The following CRBN variants were observed in gnomAD, a reference collection of about 807,000 sequenced individuals.
CRBN encodes the protein cereblon, also known as protein cereblon.
A neutral mutation model predicts 62.2 loss-of-function variants in CRBN; 53 were observed. The ratio of observed to expected loss-of-function variants is 0.85; its 90% CI spans 0.68 to 1.07. The LOEUF is 1.07. CRBN is among the 50% of genes least tolerant of loss of function. The pLI is 0.00. For synonymous variants in CRBN, 208 were observed against 176.1 expected (o/e 1.18, Z -1.43); for missense variants, 616 against 531.1 (o/e 1.16, Z -1.57).
upstream of CRBN, chr3:3,179,695 T>G: frequency 6.2e-7 from 1 of 1,612,932 alleles, no homozygotes; most frequent in Non-Finnish European, 8.5e-7. Flanking sequence ...CATGTCTGTT[T>G]ACCCGCAAAG....
At chr3:3,159,568 G>T (rs1437794733) in intron 5 of CRBN, among the ~76,000 whole-genome samples, 1 of 152,186 alleles carries the variant, frequency 6.6e-6, no homozygotes. Flanking sequence ...GCAATGCACT[G>T]GATCAGGCAT....
intron 5 of CRBN, among the ~76,000 whole-genome samples, chr3:3,165,534 G>C (rs1707294343): frequency 1.3e-5 from 2 of 152,164 alleles, no homozygotes; most frequent in South Asian, 4.1e-4. Context: ...AAAAGATTAT[G>C]ATTCACTGAA....
chr3:3,153,307 ATTTGCTAAATG>A (rs1706715972), intron 9 of CRBN, 106 bp downstream of exon 9: 4 of 676,098 alleles, frequency 5.9e-6, no homozygotes, highest in Non-Finnish European at 1.1e-5. Flanking sequence ...CCTATATTTC[ATTTGCTAAATG>A]TTTGTAACTT....
chr3:3,176,584 A>C (rs2126070357), intron 1 of CRBN, among the ~76,000 whole-genome samples: 1 of 152,106 alleles, frequency 6.6e-6, no homozygotes, highest in East Asian at 1.9e-4. Context: ...AAAAACACAA[A>C]AGTTAGCCGG....
Position 3,154,031 on chromosome 3 carries a change from A to G in CRBN, c.880T>C (p.Leu294=), listed in dbSNP as rs1339249233. The G allele has an allele frequency of 1.2e-6, 2 of 1,613,674 alleles. No homozygotes were observed. Among genetic ancestry groups the G allele is most frequent in the Admixed American group, 1.7e-5 (1 of 60,024 alleles). ...CCAATTTTAAGGAGCTGAATTCTCA[A>G]TACATCATCAATAGGAAGACAAGCA... ...VAACLPIDDV[L]RIQLLKIGSA... The change falls in exon 8 of 11, where the codon TTG becomes CTG. Residue 294 remains leucine (L), a synonymous_variant. Coordinates refer to ENST00000231948, the MANE Select transcript of CRBN (RefSeq NM_016302.4).
intron 10 of CRBN, among the ~76,000 whole-genome samples, chr3:3,151,412 G>A (rs1706540464): frequency 6.6e-6 from 1 of 152,078 alleles, no homozygotes. Context: ...AGTCAAGTTA[G>A]AAAACAGCAA....
intron 2 of CRBN, 71 bp downstream of exon 2, chr3:3,175,092 T>C (rs1707777318): frequency 9.6e-7 from 1 of 1,045,476 alleles, no homozygotes; most frequent in Admixed American, 1.7e-5. Context: ...TATCAGTCAC[T>C]TGTTTTTATG....
At chr3:3,153,316 ATGTT>A (rs1393422026) in intron 9 of CRBN, 104 bp downstream of exon 9, 1 of 708,026 alleles carries the variant, frequency 1.4e-6, no homozygotes, top group Admixed American at 2.2e-5. Context: ...CATTTGCTAA[ATGTT>A]TGTAACTTTA....
chr3:3,172,058 G>C (rs1707640187), intron 4 of CRBN: 3 of 152,282 alleles, frequency 2.0e-5, no homozygotes, highest in African/African-American at 7.2e-5. Context: ...GGACTTTTTT[G>C]TGTCTGTTTT....
chr3:3,150,553 C>A lies in CRBN; in HGVS notation c.*312G>T. Reference sequence around the variant, plus strand: ...TTTTTAACACAGGAAATAATCTCATCATTTCCAAAGATGTCTTCATGTCCC... The same window carrying A: ...TTTTTAACACAGGAAATAATCTCATAATTTCCAAAGATGTCTTCATGTCCC... On this transcript the variant is annotated 3_prime_UTR_variant, in exon 11 of 11. Transcript: ENST00000231948. The A allele has an allele frequency of 9.1e-6, 2 of 219,344 alleles. No homozygotes were observed. Among genetic ancestry groups the A allele is most frequent in the South Asian group, 7.0e-5 (1 of 14,282 alleles). The allele number at this position is 219,344 out of a possible 1,614,324, so 13.6% of individuals were successfully genotyped here.
intron 4 of CRBN, among the ~76,000 whole-genome samples, chr3:3,169,563 C>T (rs1409187691): frequency 6.6e-6 from 1 of 152,106 alleles, no homozygotes; most frequent in African/African-American, 2.4e-5. Context: ...GAAAAACTAG[C>T]AGTATAAACT....
Position 3,150,878 on chromosome 3 carries a change from A to ATTACT in CRBN, c.1311_1315dup (p.Ile439LysfsTer2). On this transcript the variant is annotated stop_gained and frameshift_variant, in exon 11 of 11. Coordinates refer to ENST00000231948, the MANE Select transcript of CRBN (RefSeq NM_016302.4). LOFTEE classifies it high-confidence loss of function. ...TATCACATCTGTTTACAAGCAAAGT[A>ATTACT]TTACTTTGTCTGGACTTATTTCATC... The ATTACT allele has an allele frequency of 6.2e-7, 1 of 1,613,664 alleles. No individual in the cohort carries two copies. Among genetic ancestry groups the ATTACT allele is most frequent in the Non-Finnish European group, 8.5e-7 (1 of 1,179,734 alleles).
In CRBN at chr3:3,150,838, A is replaced by C; in HGVS notation, c.*27T>G. The C allele has an allele frequency of 6.4e-7, 1 of 1,560,180 alleles. No homozygotes were observed. The highest frequency in any genetic ancestry group is 8.7e-7 in the Non-Finnish European group (1 of 1,145,330). ...GATCTTAGAATATAACCAATTTGTT[A>C]GATAACTTTATCTCTATCACATCTG... On this transcript the variant is annotated 3_prime_UTR_variant, in exon 11 of 11. Transcript: ENST00000231948.
chr3:3,178,865 A>G (rs1317488021), intron 1 of CRBN, among the ~76,000 whole-genome samples: 5 of 152,184 alleles, frequency 3.3e-5, no homozygotes, highest in Non-Finnish European at 7.3e-5. Flanking sequence ...ATTCCATGAA[A>G]AGTTTATGCA....
intron 5 of CRBN, among the ~76,000 whole-genome samples, chr3:3,165,442 C>G (rs1398735676): frequency 6.6e-6 from 1 of 152,150 alleles, no homozygotes; most frequent in East Asian, 1.9e-4. Flanking sequence ...TAAGAAATTG[C>G]TGTAGTCACC....
At position 3,172,963 on chromosome 3, in the gene CRBN, T is replaced by C. The variant is rs564053410; in HGVS notation, c.378-38A>G. 18 of 1,568,474 alleles carry C rather than the reference T, an allele frequency of 1.1e-5. No individual in the cohort carries two copies. The South Asian group carries it at 1.9e-4, about 16-fold the overall frequency. ...TTTTAAAAGGAAAGAATTTTGAACA[T>C]TTGAGTTTTAAATATATGCAAAGTA... is the stretch of plus-strand genomic sequence containing the variant. On this transcript the variant is annotated intron_variant, in intron 3 of 10. Coordinates refer to ENST00000231948, the MANE Select transcript of CRBN (RefSeq NM_016302.4).
chr3:3,156,247 G>A lies in CRBN; in HGVS notation c.722C>T (p.Pro241Leu). 4 of 1,613,948 alleles carry A rather than the reference G, an allele frequency of 2.5e-6. No individual in the cohort carries two copies. The highest frequency in any genetic ancestry group is 2.5e-6 in the Non-Finnish European group (3 of 1,179,938). The change falls in exon 6 of 11, where the codon CCT becomes CTT. Residue 241 changes from proline (P) to leucine (L), a missense_variant. Physicochemically the swap from Pro to Leu is moderately conservative, Grantham distance 98. Coordinates refer to ENST00000231948, the MANE Select transcript of CRBN (RefSeq NM_016302.4). ...KFHCANLTSWPRWLYSLYDAE... is the reference protein window; with the variant it reads ...KFHCANLTSWLRWLYSLYDAE... ...ATCATATAAGGAATACAGCCAGCGA[G>A]GCCATGAAGTTAGATTTGCACAATG...
Position 3,150,827 on chromosome 3 carries a change from A to T in CRBN, c.*38T>A, listed in dbSNP as rs1199046620. On this transcript the variant is annotated 3_prime_UTR_variant, in exon 11 of 11. Transcript: ENST00000231948. ...TTTCCAAAGCAGATCTTAGAATATA[A>T]CCAATTTGTTAGATAACTTTATCTC... 3 of 1,562,246 alleles carry T rather than the reference A, an allele frequency of 1.9e-6. No individual in the cohort carries two copies. The highest frequency in any genetic ancestry group is 2.6e-6 in the Non-Finnish European group (3 of 1,146,360).
At chr3:3,173,857 G>A in intron 3 of CRBN, 3 of 599,864 alleles carry the variant, frequency 5.0e-6, no homozygotes, top group Non-Finnish European at 8.9e-6. Context: ...TGAAGGTGAA[G>A]AGCTGAGTTA....
Sources: gnomAD v4.1 joint callset for allele counts (sites outside exome capture counted in the v4.1 genomes callset) on GRCh38, gnomAD v4.1.1 for gene constraint, MANE v1.5 for transcripts, NCBI Gene and HGNC (gene_info 2026-07-23, HGNC 2026-07-21) for gene names.